GNAQ: variants seen among roughly 807,000 people sequenced by gnomAD.
GNAQ encodes G protein subunit alpha q.
GNAQ carries 8 observed loss-of-function variants against 43.9 expected under a neutral mutation model. The observed-to-expected ratio is 0.18, with a 90% confidence interval of 0.11 to 0.33. GNAQ has a LOEUF of 0.33. Ranked by LOEUF, GNAQ falls within the 10% of genes least tolerant of loss-of-function variation. The pLI, the probability that GNAQ is intolerant of heterozygous loss-of-function variation, is 1.00. For missense variants in GNAQ, 158 were observed against 450.8 expected (o/e 0.35, Z 5.88); for synonymous variants, 155 against 170.7 (o/e 0.91, Z 0.71).
chr9:77,898,521 T>C (rs969673107), intron 2 of GNAQ, among the ~76,000 whole-genome samples: 2 of 152,178 alleles, frequency 1.3e-5, no homozygotes, highest in African/African-American at 4.8e-5. Context: ...AAGAGCAACC[T>C]ATCTGTTAGT....
chr9:77,730,892 T>C (rs77331620), intron 5 of GNAQ, among the ~76,000 whole-genome samples: 1 of 152,158 alleles, frequency 6.6e-6, no homozygotes, highest in Non-Finnish European at 1.5e-5. Flanking sequence ...ACTGAAATAA[T>C]TAAAAAAAAA....
intron 6 of GNAQ, among the ~76,000 whole-genome samples, chr9:77,725,011 T>C (rs921208244): frequency 2.6e-5 from 4 of 152,136 alleles, no homozygotes; most frequent in Non-Finnish European, 4.4e-5. Context: ...AAGAACATTA[T>C]ATTTCTGGCT....
chr9:77,828,705 G>A (rs1416818330), intron 2 of GNAQ, among the ~76,000 whole-genome samples: 1 of 152,080 alleles, frequency 6.6e-6, no homozygotes, highest in East Asian at 1.9e-4. Context: ...TTATATATTT[G>A]TCCTGAAATG....
chr9:77,819,362 G>C (rs1827075030), intron 2 of GNAQ, among the ~76,000 whole-genome samples: 1 of 152,178 alleles, frequency 6.6e-6, no homozygotes, highest in African/African-American at 2.4e-5. Flanking sequence ...TTCTGCAAAG[G>C]GAAGGAGGAA....
intron 1 of GNAQ, among the ~76,000 whole-genome samples, chr9:78,029,423 T>C (rs1824021450): frequency 6.6e-6 from 1 of 152,130 alleles, no homozygotes. Flanking sequence ...CAGAAAACAT[T>C]CAACTGCCTG....
At chr9:77,741,960 C>G (rs1214574562) in intron 5 of GNAQ, among the ~76,000 whole-genome samples, 1 of 152,130 alleles carries the variant, frequency 6.6e-6, no homozygotes, top group Non-Finnish European at 1.5e-5. Context: ...TTTGGGCAAA[C>G]TCTTGGCTAA....
intron 2 of GNAQ, among the ~76,000 whole-genome samples, chr9:77,921,295 C>T (rs550399190): frequency 6.6e-6 from 1 of 152,174 alleles, no homozygotes; most frequent in Admixed American, 6.5e-5. Context: ...GGCTGGTAGC[C>T]TCAGCACAGA....
chr9:77,761,563 C>T (rs1414647300), intron 5 of GNAQ, among the ~76,000 whole-genome samples: 88 of 139,702 alleles, frequency 6.3e-4, no homozygotes, highest in African/African-American at 1.4e-3. Flanking sequence ...GTCAGCCCCC[C>T]GCCCGGCCAG....
At chr9:77,854,389 T>C (rs1351071336) in intron 2 of GNAQ, among the ~76,000 whole-genome samples, 1 of 152,184 alleles carries the variant, frequency 6.6e-6, no homozygotes, top group Non-Finnish European at 1.5e-5. Flanking sequence ...ATATGTGCTA[T>C]TGTCAGGAAA....
chr9:77,736,469 G>C (rs1825577952), intron 5 of GNAQ, among the ~76,000 whole-genome samples: 1 of 152,098 alleles, frequency 6.6e-6, no homozygotes. Context: ...ATCTTTGCAA[G>C]CAATTATTTG....
intron 1 of GNAQ, among the ~76,000 whole-genome samples, chr9:78,011,610 A>G (rs1337957409): frequency 6.6e-6 from 1 of 152,218 alleles, no homozygotes; most frequent in Admixed American, 6.5e-5. Flanking sequence ...AATAAGGAGA[A>G]AAAACAATAA....
intron 2 of GNAQ, among the ~76,000 whole-genome samples, chr9:77,840,800 A>T (rs1564127169): frequency 6.6e-6 from 1 of 152,192 alleles, no homozygotes; most frequent in Admixed American, 6.5e-5. Context: ...AGGGGTGAGA[A>T]GATGATGATT....
chr9:77,758,516 C>T (rs1445078378), intron 5 of GNAQ, among the ~76,000 whole-genome samples: 1 of 152,080 alleles, frequency 6.6e-6, no homozygotes, highest in Non-Finnish European at 1.5e-5. Flanking sequence ...ATGAAAAATG[C>T]ATGTATATAG....
intron 5 of GNAQ, among the ~76,000 whole-genome samples, chr9:77,735,036 C>T (rs377558729): frequency 3.9e-5 from 6 of 152,094 alleles, no homozygotes; most frequent in Non-Finnish European, 7.3e-5. Context: ...TGACGAAACA[C>T]GCTGATACCA....
intron 2 of GNAQ, among the ~76,000 whole-genome samples, chr9:77,821,979 T>C (rs1301544786): frequency 6.6e-6 from 1 of 152,100 alleles, no homozygotes; most frequent in African/African-American, 2.4e-5. Context: ...CTAAGTTAAT[T>C]GGAATGTTAA....
intron 3 of GNAQ, among the ~76,000 whole-genome samples, chr9:77,812,517 T>C (rs1826944357): frequency 6.6e-6 from 1 of 152,194 alleles, no homozygotes; most frequent in African/African-American, 2.4e-5. Flanking sequence ...CAGGCAAATC[T>C]AGGCCAATCT....
intron 1 of GNAQ, among the ~76,000 whole-genome samples, chr9:77,954,631 A>C (rs991750546): frequency 1.3e-5 from 2 of 152,228 alleles, no homozygotes; most frequent in Non-Finnish European, 2.9e-5. Context: ...AGAATGTTAG[A>C]GTTTAATGAC....
intron 1 of GNAQ, among the ~76,000 whole-genome samples, chr9:78,030,168 G>T (rs1410450327): frequency 3.9e-5 from 6 of 152,048 alleles, no homozygotes; most frequent in Non-Finnish European, 4.4e-5. Context: ...TAAACAAAAG[G>T]TTTCTATTTG....
At chr9:77,953,492 T>A (rs1823007041) in intron 1 of GNAQ, among the ~76,000 whole-genome samples, 1 of 152,160 alleles carries the variant, frequency 6.6e-6, no homozygotes. Flanking sequence ...CCCTTGGACC[T>A]TTCCCAGAAC....
Sources: gnomAD v4.1 joint callset for allele counts (sites outside exome capture counted in the v4.1 genomes callset) on GRCh38, gnomAD v4.1.1 for gene constraint, MANE v1.5 for transcripts, NCBI Gene and HGNC (gene_info 2026-07-23, HGNC 2026-07-21) for gene names.